Variants in BRAF observed in about 807,000 individuals in gnomAD.
BRAF encodes serine/threonine-protein kinase B-raf.
A neutral mutation model predicts 104.6 loss-of-function variants in BRAF; 16 were observed. The observed-to-expected ratio is 0.15, with a 90% CI of 0.10 to 0.23. The LOEUF is 0.23. Ranked by LOEUF, BRAF falls within the 10% of genes least tolerant of loss-of-function variation. BRAF has a pLI of 1.00. For synonymous variants in BRAF, 310 were observed against 341.6 expected (o/e 0.91, Z 1.02); for missense variants, 541 against 937.3 (o/e 0.58, Z 5.52).
At chr7:140,773,171 CTA>C (rs771678893) in intron 14 of BRAF, 8 of 152,070 alleles carry the variant, frequency 5.3e-5, no homozygotes, top group Non-Finnish European at 7.4e-5. Context: ...CTATTTTTCT[CTA>C]TGTGTTTTAC....
chr7:140,916,735 T>C (rs1370523448), intron 1 of BRAF, among the ~76,000 whole-genome samples: 1 of 152,224 alleles, frequency 6.6e-6, no homozygotes, highest in Non-Finnish European at 1.5e-5. Flanking sequence ...GACAGAGATA[T>C]ATTAACTATA....
At chr7:140,922,288 G>A (rs1395895693) in intron 1 of BRAF, among the ~76,000 whole-genome samples, 2 of 152,166 alleles carry the variant, frequency 1.3e-5, no homozygotes, top group Non-Finnish European at 2.9e-5. Context: ...AGCTAGCCTA[G>A]AGGTTCTCAA....
At chr7:140,858,847 A>C (rs1366122709) in intron 1 of BRAF, among the ~76,000 whole-genome samples, 1 of 151,944 alleles carries the variant, frequency 6.6e-6, no homozygotes, top group African/African-American at 2.4e-5. Context: ...ATTTATATAA[A>C]GAGGCATAAG....
Position 140,885,938 on chromosome 7 carries a change from T to C in BRAF, c.139-35726A>G, listed in dbSNP as rs192705882. Among the ~76,000 whole-genome samples the C allele has an allele frequency of 2.6e-5, 4 of 152,296 alleles. No individual in the cohort carries two copies. In the East Asian group the frequency reaches 7.7e-4, roughly 29 times the overall value. On this transcript the variant is annotated intron_variant, in intron 1 of 19. Transcript: ENST00000644969. ...TACAGGAAATGTTCATGATACTCAC[T>C]GTAATAGTTTGGTATGATTATAGCA...
chr7:140,829,198 G>GT (rs1806422384), intron 3 of BRAF, among the ~76,000 whole-genome samples: 1 of 98,856 alleles, frequency 1.0e-5, no homozygotes, highest in African/African-American at 2.9e-5. Flanking sequence ...TTTTTTTTTT[G>GT]TGGGGGGGGG....
chr7:140,883,338 T>C (rs1298587594), intron 1 of BRAF, among the ~76,000 whole-genome samples: 1 of 152,198 alleles, frequency 6.6e-6, no homozygotes, highest in Non-Finnish European at 1.5e-5. Context: ...TCCTCTATGG[T>C]ACCTTTATTT....
intron 11 of BRAF, among the ~76,000 whole-genome samples, chr7:140,782,207 T>A (rs1800947729): frequency 6.6e-6 from 1 of 152,128 alleles, no homozygotes; most frequent in Non-Finnish European, 1.5e-5. Context: ...ATGGTTAGGA[T>A]GGAAACAATT....
intron 1 of BRAF, among the ~76,000 whole-genome samples, chr7:140,913,360 C>T (rs963455936): frequency 6.6e-6 from 1 of 151,094 alleles, no homozygotes; most frequent in African/African-American, 2.4e-5. Context: ...ATATAGTAGG[C>T]ACTCAAATAT....
At chr7:140,907,328 C>A (rs1176234632) in intron 1 of BRAF, among the ~76,000 whole-genome samples, 2 of 151,862 alleles carry the variant, frequency 1.3e-5, no homozygotes, top group African/African-American at 4.8e-5. Context: ...GTGGTGCGAT[C>A]TCAGCTCACT....
intron 19 of BRAF, among the ~76,000 whole-genome samples, chr7:140,729,410 G>A (rs1033265482): frequency 9.2e-5 from 14 of 151,604 alleles, no homozygotes; most frequent in Non-Finnish European, 1.6e-4. Context: ...TTTGGGAGGC[G>A]GAGGAGGGTG....
intron 14 of BRAF, among the ~76,000 whole-genome samples, chr7:140,772,272 T>TACTACA (rs769541218): frequency 1.3e-5 from 2 of 149,208 alleles, no homozygotes; most frequent in African/African-American, 5.0e-5. Context: ...ATTGTTTAAC[T>TACTACA]ACAACAACAA....
Position 140,751,179 on chromosome 7 carries a change from T to C in BRAF, c.1981-1761A>G, listed in dbSNP as rs753428918. Among the ~76,000 whole-genome samples, 5 of 152,136 alleles carry C rather than the reference T, an allele frequency of 3.3e-5. 1 individual carries two copies. The highest frequency in any genetic ancestry group is 6.6e-5 in the Admixed American group (1 of 15,266). ...CATTTACACAGGTATCAACAAAAAA[T>C]TAATTGTAAGAAAATATAAAACTTT... On this transcript the variant is annotated intron_variant, in intron 16 of 19. Coordinates refer to ENST00000644969, the MANE Select transcript of BRAF (RefSeq NM_001374258.1).
At chr7:140,879,018 G>A (rs1436422137) in intron 1 of BRAF, among the ~76,000 whole-genome samples, 1 of 151,884 alleles carries the variant, frequency 6.6e-6, no homozygotes, top group Non-Finnish European at 1.5e-5. Context: ...GGGATTACAG[G>A]CATGCACCAC....
intron 3 of BRAF, among the ~76,000 whole-genome samples, chr7:140,827,865 A>G (rs1295032420): frequency 6.6e-6 from 1 of 152,212 alleles, no homozygotes; most frequent in Non-Finnish European, 1.5e-5. Context: ...TTGTGTTCCA[A>G]TAACATTTTA....
At chr7:140,750,406 G>A (rs917955894) in intron 16 of BRAF, among the ~76,000 whole-genome samples, 2 of 152,118 alleles carry the variant, frequency 1.3e-5, no homozygotes, top group African/African-American at 4.8e-5. Context: ...ATGACCCGCG[G>A]AGCCTTAAAC....
At chr7:140,753,912 G>T (rs1562941470) in intron 15 of BRAF, 1 of 504,568 alleles carries the variant, frequency 2.0e-6, no homozygotes, top group Non-Finnish European at 3.6e-6. Context: ...AAAACTATCA[G>T]TTTTATAGTG....
rs1160875817 is a variant in BRAF, at chr7:140,910,643, ACACC to A, written c.138+13919_138+13922del. ...GACCAGTCCTTGAGGTAATCTTGTA[ACACC>A]CAATTTTTTCAGTCCTAAAGGGGAA... On this transcript the variant is annotated intron_variant, in intron 1 of 19. Coordinates refer to ENST00000644969, the MANE Select transcript of BRAF (RefSeq NM_001374258.1). Among the ~76,000 whole-genome samples the A allele has an allele frequency of 2.0e-5, 3 of 152,094 alleles. No homozygotes were observed. In the East Asian group the frequency reaches 5.8e-4, roughly 29 times the overall value.
intron 3 of BRAF, among the ~76,000 whole-genome samples, chr7:140,821,276 A>G (rs181304246): frequency 0.01 from 1,441 of 140,646 alleles, 24 homozygotes; most frequent in African/African-American, 0.035. Flanking sequence ...AAGCCACTAC[A>G]CCCAGCGTCT....
intron 1 of BRAF, among the ~76,000 whole-genome samples, chr7:140,869,284 C>CT (rs1448275917): frequency 6.6e-6 from 1 of 152,116 alleles, no homozygotes; most frequent in Non-Finnish European, 1.5e-5. Flanking sequence ...CCCCCATCCC[C>CT]TTCTTAACAT....
Sources: gnomAD v4.1 joint callset for allele counts (sites outside exome capture counted in the v4.1 genomes callset) on GRCh38, gnomAD v4.1.1 for gene constraint, MANE v1.5 for transcripts, NCBI Gene and HGNC (gene_info 2026-07-23, HGNC 2026-07-21) for gene names.